MYO5C: variants seen among roughly 807,000 people sequenced by gnomAD.
MYO5C encodes the protein myosin VC.
Under a neutral mutation model 235.7 loss-of-function variants are expected in MYO5C, and 194 were observed. The observed-to-expected ratio is 0.82, with a 90% CI of 0.73 to 0.93. The LOEUF is 0.93. Among genes scored for constraint, MYO5C ranks in the 40% least tolerant of loss-of-function variants. The pLI is 0.00. For missense variants in MYO5C, 2,038 were observed against 2,127.2 expected, an observed-to-expected ratio of 0.96 and a Z score of 0.82; for synonymous variants, 707 against 754.8, an observed-to-expected ratio of 0.94 and a Z score of 1.04.
intron 35 of MYO5C, among the ~76,000 whole-genome samples, chr15:52,210,491 C>G (rs2035421816): frequency 6.6e-6 from 1 of 152,056 alleles, no homozygotes; most frequent in Admixed American, 6.6e-5. Flanking sequence ...GAAACGGGTA[C>G]TTTTTAACAT....
intron 39 of MYO5C, 129 bp downstream of exon 39, chr15:52,196,180 G>C: frequency 1.3e-6 from 1 of 755,620 alleles, no homozygotes; most frequent in Non-Finnish European, 2.0e-6. Flanking sequence ...TGGGCCATGG[G>C]TGATAGGTAT....
At chr15:52,218,320 AG>A (rs925268784) in intron 32 of MYO5C, among the ~76,000 whole-genome samples, 198 bp downstream of exon 32, 2 of 152,144 alleles carry the variant, frequency 1.3e-5, no homozygotes, top group Non-Finnish European at 2.9e-5. Flanking sequence ...CACCCTCCCC[AG>A]GCGGGCCTGT....
chr15:52,212,919 C>T (rs774672024), intron 34 of MYO5C, among the ~76,000 whole-genome samples: 2 of 152,206 alleles, frequency 1.3e-5, no homozygotes, highest in Non-Finnish European at 2.9e-5. Context: ...GGACATTCGG[C>T]AATACCTGGA....
intron 10 of MYO5C, among the ~76,000 whole-genome samples, chr15:52,258,040 GGA>G (rs2036619042): frequency 6.6e-6 from 1 of 152,148 alleles, no homozygotes; most frequent in East Asian, 1.9e-4. Flanking sequence ...TGGGCCTGGG[GGA>G]AGATTAAAAA....
chr15:52,264,208 G>C lies in MYO5C; in HGVS notation c.1029C>G (p.Asn343Lys), dbSNP rs775603987. The stretch of plus-strand genomic sequence containing the variant: ...ATCTCACACTAACTGAGGACCTCTC[G>C]TTGCCCACCGCGGTGATCTGCACAT... ...LGNVQITAVG[N>K]ERSSVSEDDS... The change falls in exon 9 of 41, where the codon AAC becomes AAG. Residue 343 changes from asparagine to lysine, a missense_variant. Physicochemically the swap from Asn to Lys is moderately conservative, Grantham distance 94. Transcript: ENST00000261839. The C allele has an allele frequency of 6.2e-7, 1 of 1,613,148 alleles. No homozygotes were observed. Among genetic ancestry groups the C allele is most frequent in the African/African-American group, 1.3e-5 (1 of 74,988 alleles).
In MYO5C at chr15:52,251,438, C is replaced by G; in HGVS notation, c.1614G>C (p.Lys538Asn). The G allele has an allele frequency of 6.2e-7, 1 of 1,605,090 alleles. No homozygotes were observed. The highest frequency in any genetic ancestry group is 1.3e-5 in the African/African-American group (1 of 74,606). The change falls in exon 13 of 41, where the codon AAG becomes AAC. Residue 538 changes from lysine to asparagine, a missense_variant. Lys to Asn is a moderately conservative substitution (Grantham distance 94). Coordinates refer to ENST00000261839, the MANE Select transcript of MYO5C (RefSeq NM_018728.4). ...CAAAGGATGTGTTTGACATTCTAGG[C>G]TTTTCAAACAAAGGGTTCCTGTTGA... ...NFVNRNPLFE[K>N]PRMSNTSFVI...
chr15:52,205,795 G>T (rs1390548963), intron 37 of MYO5C, 21 bp downstream of exon 37: 4 of 1,402,406 alleles, frequency 2.9e-6, no homozygotes, highest in Non-Finnish European at 3.9e-6. Flanking sequence ...AATATTTTTT[G>T]GTCATCCATT....
At chr15:52,293,501 A>G (rs912133195) in intron 1 of MYO5C, among the ~76,000 whole-genome samples, 13 of 151,946 alleles carry the variant, frequency 8.6e-5, no homozygotes, top group Admixed American at 2.0e-4. Flanking sequence ...CCCTGCAAAT[A>G]CAGAACTTGC....
In MYO5C at chr15:52,237,587, C is replaced by T. The variant is rs1262896837; in HGVS notation, c.2763G>A (p.Gly921=). Residue 921 remains glycine (G), a synonymous_variant, in exon 22 of 41, where the codon GGG becomes GGA. Transcript: ENST00000261839. ...CCAGCTTCTGAATCTTTTCCACATC[C>T]CCAGCTCGAAGAGCAGCCAGGCTAG... is the stretch of plus-strand genomic sequence containing the variant. ...KLTSLAALRA[G]DVEKIQKLEA... 1 of 1,614,120 alleles carries T rather than the reference C, an allele frequency of 6.2e-7. No individual in the cohort carries two copies. Among genetic ancestry groups the T allele is most frequent in the Admixed American group, 1.7e-5 (1 of 60,020 alleles).
chr15:52,278,175 A>T, intron 4 of MYO5C: 2 of 333,372 alleles, frequency 6.0e-6, no homozygotes, highest in South Asian at 4.6e-5. Flanking sequence ...TTTACAGATG[A>T]AGACACTGAA....
At chr15:52,245,930 C>T (rs1251539421) in intron 17 of MYO5C, 26 bp downstream of exon 17, 1 of 1,604,270 alleles carries the variant, frequency 6.2e-7, no homozygotes, top group African/African-American at 1.3e-5. Flanking sequence ...GTACTTTTCC[C>T]TCCAAGACAA....
At chr15:52,223,016 G>A (rs963956493) in intron 29 of MYO5C, among the ~76,000 whole-genome samples, 2 of 152,048 alleles carry the variant, frequency 1.3e-5, no homozygotes, top group Admixed American at 6.6e-5. Context: ...GACCGTGATG[G>A]TGGGCGCCTG....
At chr15:52,286,143 G>C (rs1488768666) in intron 1 of MYO5C, among the ~76,000 whole-genome samples, 15 of 150,670 alleles carry the variant, frequency 1.0e-4, no homozygotes, top group East Asian at 6.0e-4. Context: ...GAAGTGAGGA[G>C]TCCCTCCGCC....
intron 14 of MYO5C, among the ~76,000 whole-genome samples, 170 bp downstream of exon 14, chr15:52,248,530 T>A (rs2036402112): frequency 2.0e-5 from 3 of 152,046 alleles, no homozygotes; most frequent in Non-Finnish European, 4.4e-5. Flanking sequence ...TAGTAGAGAT[T>A]TACAGTAGTT....
At chr15:52,279,724 G>A in intron 2 of MYO5C, 50 bp from the exon 3 acceptor site, 1 of 1,558,392 alleles carries the variant, frequency 6.4e-7, no homozygotes, top group African/African-American at 1.4e-5. Context: ...GATTTTTGGT[G>A]TTTCTGTTGA....
chr15:52,284,674 T>C (rs2037224818), intron 1 of MYO5C, among the ~76,000 whole-genome samples: 1 of 152,172 alleles, frequency 6.6e-6, no homozygotes, highest in Non-Finnish European at 1.5e-5. Context: ...GGTGTATTGA[T>C]ATATGGCTTA....
At chr15:52,205,787 TA>T (rs770737338) in intron 37 of MYO5C, 28 bp downstream of exon 37, 75 of 1,377,450 alleles carry the variant, frequency 5.4e-5, no homozygotes, top group Admixed American at 6.4e-5. Context: ...TTACTATAAA[TA>T]TTTTTTGGTC....
At chr15:52,262,800 T>C (rs2036723860) in intron 9 of MYO5C, among the ~76,000 whole-genome samples, 1 of 152,220 alleles carries the variant, frequency 6.6e-6, no homozygotes, top group African/African-American at 2.4e-5. Flanking sequence ...TTCCCATCAG[T>C]TATTTGAGGG....
At chr15:52,206,290 A>C (rs1442830678) in intron 36 of MYO5C, among the ~76,000 whole-genome samples, 1 of 152,022 alleles carries the variant, frequency 6.6e-6, no homozygotes, top group Non-Finnish European at 1.5e-5. Flanking sequence ...TCAAGGAAAC[A>C]AACTGCTATG....
Sources: allele counts gnomAD v4.1 joint callset (sites outside exome capture counted in the v4.1 genomes callset), GRCh38; gene constraint gnomAD v4.1.1; transcripts MANE v1.5; gene names NCBI Gene and HGNC (gene_info 2026-07-23, HGNC 2026-07-21).